The following SRGAP1 variants were observed in gnomAD, a reference collection of about 807,000 sequenced individuals.
The protein encoded by SRGAP1 is SLIT-ROBO Rho GTPase-activating protein 1.
In SRGAP1, 43 loss-of-function variants were observed where a neutral mutation model predicts 121.9. The observed-to-expected ratio is 0.35, with a 90% CI of 0.28 to 0.46. The LOEUF is 0.46. SRGAP1 is among the 20% of genes least tolerant of loss of function. The pLI is 1.00. For synonymous variants in SRGAP1, 447 were observed against 485.4 expected (o/e 0.92, Z 1.04); for missense variants, 1,102 against 1,350.9 (o/e 0.82, Z 2.89).
rs2037141769 is a variant in SRGAP1, at chr12:64,153,729, A to C, written c.*11057A>C. On this transcript the variant is annotated 3_prime_UTR_variant, in exon 22 of 22. Coordinates refer to ENST00000355086, the MANE Select transcript of SRGAP1 (RefSeq NM_020762.4). ...GGTGGGAATGTAAAATGGTAGAGCC[A>C]CTAAGGAAAACAGTGTGGAAGTTCC... 1 of 152,224 alleles carries C rather than the reference A, an allele frequency of 6.6e-6. No homozygotes were observed. The highest frequency in any genetic ancestry group is 2.4e-5 in the African/African-American group (1 of 41,460). 9.4% of individuals were successfully genotyped at this position (152,224 alleles called of 1,614,324 possible). A position where few individuals can be genotyped will look rare whatever the true frequency, so the allele number is the denominator to read the frequency against.
At chr12:63,864,798 A>G (rs887682912) in intron 1 of SRGAP1, among the ~76,000 whole-genome samples, 1 of 152,198 alleles carries the variant, frequency 6.6e-6, no homozygotes, top group Non-Finnish European at 1.5e-5. Context: ...ACAGGAAAAG[A>G]ACATTAGGTA....
intron 3 of SRGAP1, among the ~76,000 whole-genome samples, chr12:64,012,479 T>C (rs1489555926): frequency 6.6e-6 from 1 of 152,034 alleles, no homozygotes; most frequent in Non-Finnish European, 1.5e-5. Flanking sequence ...TATATTATTT[T>C]TCTTATGTGG....
intron 18 of SRGAP1, 147 bp downstream of exon 18, chr12:64,116,040 A>G: frequency 1.5e-6 from 1 of 658,070 alleles, no homozygotes; most frequent in Non-Finnish European, 2.6e-6. Flanking sequence ...GGATCACTTG[A>G]GCCCAGGAGT....
At chr12:63,943,120 C>A (rs2031922924) in intron 1 of SRGAP1, among the ~76,000 whole-genome samples, 1 of 152,078 alleles carries the variant, frequency 6.6e-6, no homozygotes, top group Non-Finnish European at 1.5e-5. Context: ...CCAGGAGAAA[C>A]AGTATTTTTT....
At chr12:63,924,807 T>C (rs1163033239) in intron 1 of SRGAP1, among the ~76,000 whole-genome samples, 1 of 152,226 alleles carries the variant, frequency 6.6e-6, no homozygotes, top group Non-Finnish European at 1.5e-5. Context: ...AAATAAAATG[T>C]GTGAGTGTCT....
Position 64,113,327 on chromosome 12 carries a change from G to A in SRGAP1, c.2144+1341G>A, listed in dbSNP as rs148414745. Among the ~76,000 whole-genome samples the A allele has an allele frequency of 7.9e-3, 1,208 of 152,154 alleles. 20 individuals are homozygous for A. The highest frequency in any genetic ancestry group is 0.027 in the African/African-American group (1,139 of 41,514). ...GGAGGCTGAGTCAGGGGAATTGCTC[G>A]AACATGGGAGGTAGAGGTTGCAGTG... On this transcript the variant is annotated intron_variant, in intron 17 of 21. Transcript: ENST00000355086.
chr12:64,069,815 G>A (rs1164342587), intron 8 of SRGAP1, among the ~76,000 whole-genome samples: 1 of 152,018 alleles, frequency 6.6e-6, no homozygotes, highest in Non-Finnish European at 1.5e-5. Context: ...TAGAGACAGT[G>A]TCTCTACAAA....
chr12:64,018,863 G>A (rs1485516720), intron 4 of SRGAP1, among the ~76,000 whole-genome samples: 1 of 152,126 alleles, frequency 6.6e-6, no homozygotes, highest in Non-Finnish European at 1.5e-5. Flanking sequence ...TAGAAGCCCA[G>A]TAATTTAAAA....
intron 1 of SRGAP1, chr12:63,887,638 G>A (rs1900433953): frequency 6.6e-6 from 1 of 152,208 alleles, no homozygotes; most frequent in Non-Finnish European, 1.5e-5. Flanking sequence ...ATGGCTGTTT[G>A]AATTGTCTTA....
intron 15 of SRGAP1, 67 bp downstream of exon 15, chr12:64,097,442 C>T (rs1565679921): frequency 6.4e-7 from 1 of 1,552,320 alleles, no homozygotes; most frequent in Non-Finnish European, 8.8e-7. Flanking sequence ...CTGGAAAAGG[C>T]AGTGGCCCCC....
rs1225116179 is a variant in SRGAP1, at chr12:64,152,457, A to G, written c.*9785A>G. 6.6e-6 allele frequency: 1 copy of G among 152,168 alleles called. No homozygotes were observed. The highest frequency in any genetic ancestry group is 1.5e-5 in the Non-Finnish European group (1 of 68,050). 9.4% of individuals were successfully genotyped at this position (152,168 alleles called of 1,614,324 possible). ...GCAGGACGGCATACTACTGTGTCTTATTCATCTTTGTATCTTCAAGCCTAA... is the reference window on the plus strand; with the variant it reads ...GCAGGACGGCATACTACTGTGTCTTGTTCATCTTTGTATCTTCAAGCCTAA... On this transcript the variant is annotated 3_prime_UTR_variant, in exon 22 of 22. Transcript: ENST00000355086.
intron 1 of SRGAP1, among the ~76,000 whole-genome samples, chr12:63,961,569 G>A (rs918554935): frequency 6.6e-6 from 1 of 152,184 alleles, no homozygotes; most frequent in African/African-American, 2.4e-5. Flanking sequence ...CTCCTGACCA[G>A]GACAGAGCCC....
chr12:64,095,273 C>A lies in SRGAP1; in HGVS notation c.1678+69C>A, dbSNP rs757988323. ...CATCATGTTCTGTAAACTGAAGTGG[C>A]ACCCTTATTCTGTATATCCTCAAAA... On this transcript the variant is annotated intron_variant, in intron 14 of 21. Transcript: ENST00000355086. 1,506 of 1,371,790 alleles carry A rather than the reference C, an allele frequency of 1.1e-3. 1 individual carries two copies. The highest frequency in any genetic ancestry group is 1.4e-3 in the Non-Finnish European group (1,323 of 968,998). The allele number at this position is 1,371,790 out of a possible 1,614,324, so 85.0% of individuals were successfully genotyped here.
intron 1 of SRGAP1, among the ~76,000 whole-genome samples, chr12:63,924,245 A>G (rs1018792942): frequency 2.6e-5 from 4 of 152,238 alleles, no homozygotes; most frequent in African/African-American, 9.6e-5. Flanking sequence ...ATTTTACTTC[A>G]GAGGTTCTTC....
At chr12:63,985,608 C>T (rs1326877289) in intron 2 of SRGAP1, among the ~76,000 whole-genome samples, 1 of 152,134 alleles carries the variant, frequency 6.6e-6, no homozygotes, top group Non-Finnish European at 1.5e-5. Context: ...CATCCTTTTA[C>T]ATATAAATTT....
intron 1 of SRGAP1, 150 bp from the exon 2 acceptor site, chr12:63,983,797 A>AATATATAT (rs71911661): frequency 1.5e-5 from 1 of 64,748 alleles, no homozygotes; most frequent in Non-Finnish European, 2.7e-5. Flanking sequence ...ATACATTTAA[A>AATATATAT]ATATATATAT....
chr12:63,911,729 A>G (rs542392221), intron 1 of SRGAP1, among the ~76,000 whole-genome samples: 5 of 152,316 alleles, frequency 3.3e-5, no homozygotes, highest in East Asian at 1.9e-4. Context: ...CCCCGATTAC[A>G]TTGCTAAGAG....
intron 12 of SRGAP1, among the ~76,000 whole-genome samples, chr12:64,094,106 G>A (rs2036108474): frequency 6.6e-6 from 1 of 152,120 alleles, no homozygotes; most frequent in Non-Finnish European, 1.5e-5. Context: ...TGAAAAAGCA[G>A]AGTCTTAAAA....
intron 10 of SRGAP1, among the ~76,000 whole-genome samples, chr12:64,084,389 T>C (rs1276241949): frequency 1.3e-5 from 2 of 152,136 alleles, no homozygotes; most frequent in Non-Finnish European, 2.9e-5. Context: ...TAAGTAGCTT[T>C]CCAAAGAAAA....
Sources: allele counts gnomAD v4.1 joint callset (sites outside exome capture counted in the v4.1 genomes callset), GRCh38; gene constraint gnomAD v4.1.1; transcripts MANE v1.5; gene names NCBI Gene and HGNC (gene_info 2026-07-23, HGNC 2026-07-21).